Variants in PTPN9 observed in about 807,000 individuals in gnomAD.
PTPN9 encodes protein tyrosine phosphatase non-receptor type 9.
In PTPN9, 26 loss-of-function variants were observed where a neutral mutation model predicts 69.8. The observed-to-expected ratio is 0.37, with a 90% CI of 0.27 to 0.52. The LOEUF (loss-of-function observed/expected upper bound fraction) is 0.52. Ranked by LOEUF, PTPN9 falls within the 20% of genes least tolerant of loss-of-function variation. PTPN9 has a pLI of 0.91. For missense variants in PTPN9, 549 were observed against 740.3 expected (o/e 0.74, Z 3.00); for synonymous variants, 274 against 272.5 (o/e 1.01, Z -0.05).
intron 4 of PTPN9, among the ~76,000 whole-genome samples, chr15:75,518,463 A>G (rs78205529): frequency 0.13 from 17,079 of 135,390 alleles, 2,295 homozygotes; most frequent in African/African-American, 0.35. Context: ...CCCTGACTCT[A>G]TTTAAAAAAA....
chr15:75,508,420 GA>G (rs200734080), intron 6 of PTPN9, among the ~76,000 whole-genome samples: 3 of 150,654 alleles, frequency 2.0e-5, no homozygotes, highest in African/African-American at 4.9e-5. Flanking sequence ...GGTATTCTGA[GA>G]AAAAAAAATG....
intron 8 of PTPN9, among the ~76,000 whole-genome samples, chr15:75,481,994 T>G (rs2074639003): frequency 6.9e-6 from 1 of 144,300 alleles, no homozygotes; most frequent in South Asian, 2.4e-4. Flanking sequence ...AGGATGACAA[T>G]GGCGGCTTTG....
chr15:75,525,128 C>A (rs779614322), intron 2 of PTPN9, among the ~76,000 whole-genome samples: 1 of 151,978 alleles, frequency 6.6e-6, no homozygotes, highest in Non-Finnish European at 1.5e-5. Context: ...TAAATAGGAG[C>A]CTTCTCTCCA....
At chr15:75,482,725 C>T (rs2141294336) in intron 8 of PTPN9, among the ~76,000 whole-genome samples, 1 of 151,732 alleles carries the variant, frequency 6.6e-6, no homozygotes, top group South Asian at 2.1e-4. Flanking sequence ...ACTATTGTCC[C>T]ATGACCCTGC....
chr15:75,563,917 A>G (rs1470487203), intron 1 of PTPN9, among the ~76,000 whole-genome samples: 15 of 152,208 alleles, frequency 9.9e-5, no homozygotes, highest in Admixed American at 9.8e-4. Context: ...TGATCTAAAA[A>G]AAATCCTCAG....
intron 9 of PTPN9, among the ~76,000 whole-genome samples, chr15:75,475,253 A>C (rs1196718328): frequency 6.6e-6 from 1 of 152,144 alleles, no homozygotes; most frequent in Non-Finnish European, 1.5e-5. Context: ...ATAACTTTGA[A>C]GATACTTGTG....
intron 1 of PTPN9, among the ~76,000 whole-genome samples, chr15:75,543,795 G>A (rs1167597621): frequency 6.6e-6 from 1 of 151,990 alleles, no homozygotes; most frequent in Non-Finnish European, 1.5e-5. Flanking sequence ...TACATAACAG[G>A]AATTTTTGAA....
At chr15:75,530,878 TTA>T (rs996772511) in intron 1 of PTPN9, among the ~76,000 whole-genome samples, 1 of 114,478 alleles carries the variant, frequency 8.7e-6, no homozygotes, top group African/African-American at 3.4e-5. Flanking sequence ...TTACGATATA[TTA>T]TATATTATTA....
At chr15:75,524,691 T>C (rs2074919553) in intron 2 of PTPN9, among the ~76,000 whole-genome samples, 1 of 140,686 alleles carries the variant, frequency 7.1e-6, no homozygotes, top group African/African-American at 2.7e-5. Context: ...GGCAGGAGAA[T>C]CGCTTGAACC....
intron 1 of PTPN9, among the ~76,000 whole-genome samples, chr15:75,560,801 A>G (rs935762556): frequency 2.6e-5 from 4 of 152,138 alleles, no homozygotes; most frequent in Admixed American, 6.6e-5. Context: ...CAGGTGGATC[A>G]CAAGGTCAGG....
intron 8 of PTPN9, among the ~76,000 whole-genome samples, chr15:75,488,765 G>A (rs2074693108): frequency 6.6e-6 from 1 of 152,174 alleles, no homozygotes; most frequent in Admixed American, 6.5e-5. Flanking sequence ...CTGCACTCAA[G>A]CCTGGGTGAC....
At chr15:75,503,347 G>A (rs1263193700) in intron 7 of PTPN9, among the ~76,000 whole-genome samples, 1 of 134,276 alleles carries the variant, frequency 7.4e-6, no homozygotes, top group Non-Finnish European at 1.6e-5. Context: ...GGGAGGTGAG[G>A]AGCGTCTCTG....
intron 1 of PTPN9, among the ~76,000 whole-genome samples, chr15:75,571,119 G>T (rs2075146342): frequency 6.6e-6 from 1 of 151,970 alleles, no homozygotes; most frequent in South Asian, 2.1e-4. Flanking sequence ...AATTAGCCAG[G>T]TATGGTGGCG....
At chr15:75,542,207 T>C (rs1156254266) in intron 1 of PTPN9, among the ~76,000 whole-genome samples, 2 of 152,166 alleles carry the variant, frequency 1.3e-5, no homozygotes, top group Non-Finnish European at 1.5e-5. Context: ...AGATAACCCA[T>C]ATTATCAGGT....
intron 2 of PTPN9, among the ~76,000 whole-genome samples, chr15:75,526,491 G>A (rs2074928306): frequency 6.6e-6 from 1 of 151,514 alleles, no homozygotes; most frequent in South Asian, 2.1e-4. Context: ...GAAGGATTCT[G>A]ACCCCAAAGT....
chr15:75,508,020 C>A (rs569326208), intron 6 of PTPN9, among the ~76,000 whole-genome samples: 36 of 114,734 alleles, frequency 3.1e-4, no homozygotes, highest in Non-Finnish European at 5.4e-4. Context: ...CCAGCCTAGG[C>A]AACAGAGTGA....
At chr15:75,563,834 C>T (rs1196844108) in intron 1 of PTPN9, among the ~76,000 whole-genome samples, 4 of 152,048 alleles carry the variant, frequency 2.6e-5, no homozygotes, top group Admixed American at 2.6e-4. Context: ...TCCAACCTTG[C>T]TATACAAGGA....
intron 1 of PTPN9, among the ~76,000 whole-genome samples, chr15:75,530,818 TATA>T (rs2074959775): frequency 1.0e-5 from 1 of 98,484 alleles, no homozygotes; most frequent in South Asian, 2.4e-4. Flanking sequence ...TATATCATAA[TATA>T]ATATAATATA....
At chr15:75,578,598 C>T in intron 1 of PTPN9, 116 bp downstream of exon 1, 1 of 882,164 alleles carries the variant, frequency 1.1e-6, no homozygotes, top group African/African-American at 1.8e-5. Flanking sequence ...GAGCCGGGCA[C>T]GGGAGCGGGG....
Sources: allele counts gnomAD v4.1 joint callset (sites outside exome capture counted in the v4.1 genomes callset), GRCh38; gene constraint gnomAD v4.1.1; transcripts MANE v1.5; gene names NCBI Gene and HGNC (gene_info 2026-07-23, HGNC 2026-07-21).